TAB1: variants seen among roughly 807,000 people sequenced by gnomAD.
TAB1 encodes the protein TGF-beta activated kinase 1 (MAP3K7) binding protein 1.
TAB1 carries 30 observed loss-of-function variants against 54.5 expected under a neutral mutation model. The ratio of observed to expected loss-of-function variants is 0.55; its 90% CI spans 0.41 to 0.75. TAB1 has a LOEUF of 0.75. Among genes scored for constraint, TAB1 ranks in the 30% least tolerant of loss-of-function variants. The pLI is 0.00. For missense variants in TAB1, 609 were observed against 683.2 expected (o/e 0.89, Z 1.21); for synonymous variants, 289 against 286.9 (o/e 1.01, Z -0.07).
At chr22:39,407,033 A>G (rs559927152) in intron 1 of TAB1, among the ~76,000 whole-genome samples, 1 of 152,358 alleles carries the variant, frequency 6.6e-6, no homozygotes, top group Non-Finnish European at 1.5e-5. Flanking sequence ...TCAAAGGGCA[A>G]AATTCAAAAC....
chr22:39,433,605 G>A, downstream of TAB1: 1 of 985,450 alleles, frequency 1.0e-6, no homozygotes. Context: ...ACTAGGAGTT[G>A]TACCGTCCTG....
downstream of TAB1, chr22:39,433,608 C>T: frequency 2.0e-6 from 2 of 985,444 alleles, no homozygotes; most frequent in Non-Finnish European, 2.4e-6. Flanking sequence ...AGGAGTTGTA[C>T]CGTCCTGGTC....
At chr22:39,419,357 A>G (rs1926972537) in intron 6 of TAB1, among the ~76,000 whole-genome samples, 162 bp from the exon 7 acceptor site, 1 of 152,208 alleles carries the variant, frequency 6.6e-6, no homozygotes, top group South Asian at 2.1e-4. Context: ...TGAGGACACC[A>G]GGGACTTTGG....
Position 39,431,354 on chromosome 22 carries a change from A to G in TAB1, c.*1132A>G. 9.1e-6 allele frequency: 9 copies of G among 985,464 alleles called. No homozygotes were observed. Among genetic ancestry groups the G allele is most frequent in the Non-Finnish European group, 1.1e-5 (9 of 829,982 alleles). 61.0% of individuals were successfully genotyped at this position (985,464 alleles called of 1,614,324 possible). On this transcript the variant is annotated 3_prime_UTR_variant, in exon 11 of 11. Transcript: ENST00000216160. Reference sequence around the variant, plus strand: ...CCTGTTTCAGAGGAAGCAGGCCGAGAGACTTGCACCTTGGCCAAGCCACAC... The same window carrying G: ...CCTGTTTCAGAGGAAGCAGGCCGAGGGACTTGCACCTTGGCCAAGCCACAC...
chr22:39,426,772 G>C lies in TAB1; in HGVS notation c.991G>C (p.Val331Leu), dbSNP rs774964489. ...TSLDAVAQAVVDRVKRIHSDT... is the reference protein window; with the variant it reads ...TSLDAVAQAVLDRVKRIHSDT... The stretch of plus-strand genomic sequence containing the variant: ...CCTGGACGCAGTGGCCCAGGCCGTC[G>C]TGGACCGGGTGAAGCGCATCCACAG... The change falls in exon 9 of 11, where the codon GTG (valine) becomes CTG (leucine). Residue 331 changes from valine (V) to leucine (L), a missense_variant. Val to Leu is a conservative substitution (Grantham distance 32). Coordinates refer to ENST00000216160, the MANE Select transcript of TAB1 (RefSeq NM_006116.3). 6.2e-7 allele frequency: 1 copy of C among 1,614,008 alleles called. No homozygotes were observed. The highest frequency in any genetic ancestry group is 2.2e-5 in the East Asian group (1 of 44,878).
chr22:39,399,960 AC>A, intron 1 of TAB1, 125 bp downstream of exon 1: 1 of 1,071,576 alleles, frequency 9.3e-7, no homozygotes, highest in South Asian at 1.4e-5. Flanking sequence ...TGTGTCAGCC[AC>A]CTTCTCCTCT....
rs759816864 is a variant in TAB1, at chr22:39,421,829, C to T, written c.779C>T (p.Ala260Val). The change falls in exon 8 of 11, where the codon GCT (alanine) becomes GTT (valine). Residue 260 changes from alanine (A) to valine (V), a missense_variant and splice_region_variant. Ala to Val is a moderately conservative substitution (Grantham distance 64). Coordinates refer to ENST00000216160, the MANE Select transcript of TAB1 (RefSeq NM_006116.3). Reference protein sequence around the residue: ...YGYTDIDLLSAAKSKPIIAEP... With the variant: ...YGYTDIDLLSVAKSKPIIAEP... The stretch of plus-strand genomic sequence containing the variant: ...TTCCTTCCACTCTCTCCCCATAGCG[C>T]TGCCAAGTCCAAACCAATCATCGCA... 5.0e-6 allele frequency: 8 copies of T among 1,614,026 alleles called. No homozygotes were observed. The South Asian group carries it at 7.7e-5, about 16-fold the overall frequency.
At chr22:39,428,211 C>T in intron 10 of TAB1, 28 bp downstream of exon 10, 2 of 1,497,518 alleles carry the variant, frequency 1.3e-6, no homozygotes, top group Non-Finnish European at 1.8e-6. Flanking sequence ...TGAGCCACCC[C>T]CAGCCCTGTC....
intron 8 of TAB1, among the ~76,000 whole-genome samples, chr22:39,423,134 G>A (rs1264806221): frequency 6.6e-6 from 1 of 152,036 alleles, no homozygotes; most frequent in Admixed American, 6.5e-5. Flanking sequence ...CACCACACCT[G>A]GCTAATTTTG....
chr22:39,400,205 T>C (rs1230130747), intron 1 of TAB1, among the ~76,000 whole-genome samples: 1 of 152,236 alleles, frequency 6.6e-6, no homozygotes, highest in Non-Finnish European at 1.5e-5. Context: ...GTGTACCGCT[T>C]ACTGCATCCC....
At chr22:39,408,596 G>A (rs1204449708) in intron 1 of TAB1, among the ~76,000 whole-genome samples, 2 of 152,138 alleles carry the variant, frequency 1.3e-5, no homozygotes, top group African/African-American at 4.8e-5. Context: ...TCCACCTCCT[G>A]GGTTCAAGCA....
At position 39,431,008 on chromosome 22, in the gene TAB1, C is replaced by T; in HGVS notation, c.*786C>T. ...TGAGCCAGGGTGAGCTGGTGCCTGC[C>T]TTGCATTTTCCTTCTGGTGCTGTGA... On this transcript the variant is annotated 3_prime_UTR_variant, in exon 11 of 11. Coordinates refer to ENST00000216160, the MANE Select transcript of TAB1 (RefSeq NM_006116.3). 6 of 986,158 alleles carry T rather than the reference C, an allele frequency of 6.1e-6. No individual in the cohort carries two copies. Among genetic ancestry groups the T allele is most frequent in the Non-Finnish European group, 7.2e-6 (6 of 830,496 alleles). The allele number at this position is 986,158 out of a possible 1,614,324, so 61.1% of individuals were successfully genotyped here. A position where few individuals can be genotyped will look rare whatever the true frequency, so the allele number is the denominator to read the frequency against.
chr22:39,403,942 C>T (rs1926255999), intron 1 of TAB1, among the ~76,000 whole-genome samples: 1 of 152,128 alleles, frequency 6.6e-6, no homozygotes, highest in Admixed American at 6.6e-5. Flanking sequence ...CCGTGCCCGG[C>T]CGAAAAATCC....
chr22:39,435,891 C>T (rs1289683045), downstream of TAB1, among the ~76,000 whole-genome samples: 1 of 152,190 alleles, frequency 6.6e-6, no homozygotes, highest in Non-Finnish European at 1.5e-5. Context: ...TCTGTAAGTC[C>T]CACCTCCCGG....
Position 39,417,222 on chromosome 22 carries a change from C to T in TAB1, c.411+345C>T, listed in dbSNP as rs1926871435. Among the ~76,000 whole-genome samples the T allele has an allele frequency of 2.0e-5, 3 of 152,268 alleles. No homozygotes were observed. The South Asian group carries it at 6.2e-4, about 31-fold the overall frequency. On this transcript the variant is annotated intron_variant, in intron 4 of 10. Coordinates refer to ENST00000216160, the MANE Select transcript of TAB1 (RefSeq NM_006116.3). ...GTGCTGTGAGTTCGGTCATCTCCAGCTTTCTGGAAGAACCTTAGCCTGGAG... is the reference window on the plus strand; with the variant it reads ...GTGCTGTGAGTTCGGTCATCTCCAGTTTTCTGGAAGAACCTTAGCCTGGAG...
intron 8 of TAB1, among the ~76,000 whole-genome samples, chr22:39,422,400 CTTTTTTT>C (rs965591327): frequency 1.8e-4 from 16 of 88,522 alleles, no homozygotes; most frequent in South Asian, 7.3e-4. Flanking sequence ...CTTCTCATTT[CTTTTTTT>C]TTTTTTTTTT....
At chr22:39,418,419 C>T (rs1276598843) in intron 5 of TAB1, among the ~76,000 whole-genome samples, 1 of 152,182 alleles carries the variant, frequency 6.6e-6, no homozygotes, top group Admixed American at 6.5e-5. Flanking sequence ...TTCTTTGTCC[C>T]CACGTTCTCT....
chr22:39,416,956 GA>G, intron 4 of TAB1, 79 bp downstream of exon 4: 1 of 1,396,238 alleles, frequency 7.2e-7, no homozygotes. Flanking sequence ...CTACTTTCTT[GA>G]CATTACTGGG....
At chr22:39,409,464 C>T (rs549056700) in intron 1 of TAB1, among the ~76,000 whole-genome samples, 4 of 152,248 alleles carry the variant, frequency 2.6e-5, no homozygotes, top group Admixed American at 1.3e-4. Flanking sequence ...TGCCCTCCCC[C>T]CCAGGCACAT....
Sources: gnomAD v4.1 joint callset for allele counts (sites outside exome capture counted in the v4.1 genomes callset) on GRCh38, gnomAD v4.1.1 for gene constraint, MANE v1.5 for transcripts, NCBI Gene and HGNC (gene_info 2026-07-23, HGNC 2026-07-21) for gene names.